Variants in TBCD observed in about 807,000 individuals in gnomAD.
The protein encoded by TBCD is tubulin-specific chaperone D.
In TBCD, 105 loss-of-function variants were observed where a neutral mutation model predicts 169.3. The observed-to-expected ratio is 0.62, with a 90% CI of 0.53 to 0.73. The LOEUF (loss-of-function observed/expected upper bound fraction) is 0.73, where lower values mean the gene tolerates loss of function less well. Among genes scored for constraint, TBCD ranks in the 30% least tolerant of loss-of-function variants. TBCD has a pLI of 0.00. For missense variants in TBCD, 1,444 were observed against 1,600.1 expected (o/e 0.90, Z 1.66); for synonymous variants, 700 against 643.9 (o/e 1.09, Z -1.32).
At chr17:82,870,140 C>A in intron 13 of TBCD, 84 bp from the exon 14 acceptor site, 1 of 1,581,586 alleles carries the variant, frequency 6.3e-7, no homozygotes, top group Non-Finnish European at 8.6e-7. Flanking sequence ...GACCGCGCTC[C>A]GGCCCTGAGC....
At chr17:82,790,388 C>CCTCGGAAGCCTGTGGCCTGGGTAAAGG (rs2049624013) in intron 7 of TBCD, among the ~76,000 whole-genome samples, 2 of 152,048 alleles carry the variant, frequency 1.3e-5, no homozygotes, top group African/African-American at 4.8e-5. Flanking sequence ...CTGGGTAAAG[C>CCTCGGAAGCCTGTGGCCTGGGTAAAGG]GTGGCCTCGG....
At chr17:82,801,583 C>CA (rs2050534263) in intron 9 of TBCD, among the ~76,000 whole-genome samples, 1 of 114,048 alleles carries the variant, frequency 8.8e-6, no homozygotes, top group African/African-American at 3.5e-5. Flanking sequence ...TCGTGTGGCT[C>CA]GGTCAGCGTG....
chr17:82,841,393 C>T (rs953781201), intron 13 of TBCD, among the ~76,000 whole-genome samples: 1 of 151,598 alleles, frequency 6.6e-6, no homozygotes, highest in African/African-American at 2.4e-5. Flanking sequence ...TCACGGTTCA[C>T]TGTAGCCTCA....
intron 13 of TBCD, among the ~76,000 whole-genome samples, chr17:82,827,758 C>T (rs540864690): frequency 1.1e-4 from 17 of 151,832 alleles, no homozygotes; most frequent in African/African-American, 3.9e-4. Flanking sequence ...CCCGTACAAT[C>T]GAATGCACAC....
chr17:82,876,435 T>C (rs2057981030), intron 14 of TBCD, among the ~76,000 whole-genome samples: 1 of 152,226 alleles, frequency 6.6e-6, no homozygotes, highest in Admixed American at 6.5e-5. Flanking sequence ...AGGGTGTTCC[T>C]GCGAAGGGAA....
At chr17:82,926,318 T>G (rs2061758397) in intron 27 of TBCD, 82 bp from the exon 28 acceptor site, 3 of 1,346,842 alleles carry the variant, frequency 2.2e-6, no homozygotes, top group Non-Finnish European at 3.1e-6. Flanking sequence ...GGTCTGTGGC[T>G]CCGGGCCAAC....
At chr17:82,826,506 C>T (rs2052863742) in intron 13 of TBCD, among the ~76,000 whole-genome samples, 1 of 151,892 alleles carries the variant, frequency 6.6e-6, no homozygotes. Flanking sequence ...GCCTTGACCT[C>T]CTGGGCTCAA....
At chr17:82,816,896 A>T (rs1440041597) in intron 13 of TBCD, among the ~76,000 whole-genome samples, 1 of 145,934 alleles carries the variant, frequency 6.9e-6, no homozygotes, top group South Asian at 2.2e-4. Flanking sequence ...GTGAAGCGCC[A>T]CCTTGTTTTG....
intron 13 of TBCD, among the ~76,000 whole-genome samples, chr17:82,850,206 T>TGTTGGCTGTGCTGCTGTTGGCTGTGCTGC (rs1203523439): frequency 1.9e-4 from 4 of 21,440 alleles, no homozygotes; most frequent in African/African-American, 3.8e-4. Flanking sequence ...GGCTGTGCTG[T>TGTTGGCTGTGCTGCTGTTGGCTGTGCTGC]TGTTGGCTGT....
chr17:82,916,261 C>T (rs962340774), intron 23 of TBCD, among the ~76,000 whole-genome samples: 44 of 151,678 alleles, frequency 2.9e-4, no homozygotes, highest in Non-Finnish European at 8.8e-5. Flanking sequence ...TTTTTTGAGA[C>T]GGAGTCTCAT....
At chr17:82,776,265 C>T (rs772482853) in intron 6 of TBCD, among the ~76,000 whole-genome samples, 3 of 151,772 alleles carry the variant, frequency 2.0e-5, no homozygotes, top group Non-Finnish European at 4.4e-5. Context: ...GAAATCTTGG[C>T]GTGGCGTGGT....
chr17:82,871,596 G>C (rs950628358), intron 14 of TBCD, among the ~76,000 whole-genome samples: 3 of 152,218 alleles, frequency 2.0e-5, no homozygotes, highest in Non-Finnish European at 4.4e-5. Flanking sequence ...ACGCCTGAAG[G>C]GGTCATGGGA....
intron 7 of TBCD, among the ~76,000 whole-genome samples, chr17:82,791,341 T>C (rs1396576180): frequency 1.3e-5 from 2 of 152,194 alleles, no homozygotes; most frequent in Non-Finnish European, 2.9e-5. Context: ...TCTGCCTGCC[T>C]CGGCCTCCCA....
chr17:82,810,183 T>C (rs1355733113), intron 12 of TBCD, among the ~76,000 whole-genome samples: 2 of 152,144 alleles, frequency 1.3e-5, no homozygotes, highest in Non-Finnish European at 2.9e-5. Flanking sequence ...TGAGTTTGAA[T>C]TGGATTTCAT....
intron 34 of TBCD, among the ~76,000 whole-genome samples, chr17:82,935,672 G>C (rs1438023128): frequency 6.6e-6 from 1 of 152,250 alleles, no homozygotes; most frequent in East Asian, 1.9e-4. Flanking sequence ...AAGGATATTA[G>C]AACGTGTTGG....
rs375846832 is a variant in TBCD at position 82,871,281 on chromosome 17, C to T, written c.1475+901C>T. 3.3e-5 allele frequency among the ~76,000 whole-genome samples: 5 copies of T among 152,314 alleles called. No individual in the cohort carries two copies. The East Asian group carries it at 7.7e-4, about 24-fold the overall frequency. ...CGATTCAATTCAATTCAACCGTGTGCGCTGGTTTTGTACACTGCTTTTGGA... is the reference window on the plus strand; with the variant it reads ...CGATTCAATTCAATTCAACCGTGTGTGCTGGTTTTGTACACTGCTTTTGGA... On this transcript the variant is annotated intron_variant, in intron 14 of 38. Transcript: ENST00000355528.
At chr17:82,902,229 G>C (rs560843478) in intron 18 of TBCD, among the ~76,000 whole-genome samples, 1 of 152,352 alleles carries the variant, frequency 6.6e-6, no homozygotes, top group South Asian at 2.1e-4. Context: ...GACTGGTGTA[G>C]TACCTGAGTT....
intron 24 of TBCD, 176 bp from the exon 25 acceptor site, chr17:82,921,325 G>C: frequency 1.6e-6 from 1 of 617,722 alleles, no homozygotes. Flanking sequence ...GCCATGAGAG[G>C]AAGGGGCCTT....
chr17:82,800,400 C>T (rs2050422344), intron 8 of TBCD, among the ~76,000 whole-genome samples: 2 of 152,164 alleles, frequency 1.3e-5, no homozygotes, highest in Non-Finnish European at 2.9e-5. Context: ...CAGAGCAAGC[C>T]ACAGGAACCC....
Sources: gnomAD v4.1 joint callset for allele counts (sites outside exome capture counted in the v4.1 genomes callset) on GRCh38, gnomAD v4.1.1 for gene constraint, MANE v1.5 for transcripts, NCBI Gene and HGNC (gene_info 2026-07-23, HGNC 2026-07-21) for gene names.